The following CFAP20 variants were observed in gnomAD, a reference collection of about 807,000 sequenced individuals.
CFAP20 encodes the protein cilia- and flagella-associated protein 20.
A neutral mutation model predicts 25.5 loss-of-function variants in CFAP20; 14 were observed. The observed-to-expected ratio is 0.55, with a 90% confidence interval of 0.36 to 0.86. The LOEUF (loss-of-function observed/expected upper bound fraction) is 0.86, where lower values mean the gene tolerates loss of function less well. Ranked by LOEUF, CFAP20 falls within the 40% of genes least tolerant of loss-of-function variation. CFAP20 has a pLI of 0.01. For synonymous variants in CFAP20, 75 were observed against 91.1 expected (o/e 0.82, Z 1.01); for missense variants, 181 against 248.0 (o/e 0.73, Z 1.81).
intron 1 of CFAP20, among the ~76,000 whole-genome samples, chr16:58,121,285 C>T (rs776296731): frequency 3.9e-5 from 6 of 152,216 alleles, no homozygotes; most frequent in Admixed American, 6.5e-5. Flanking sequence ...AAAGTATCAA[C>T]GTCCTTTCCT....
At position 58,114,029 on chromosome 16, in the gene CFAP20, T is replaced by C. The variant is rs1477411894; in HGVS notation, c.578A>G (p.Gln193Arg). The change falls in exon 6 of 6, where the codon CAA becomes CGA. Residue 193 changes from glutamine to arginine, a missense_variant and splice_region_variant. Coordinates refer to ENST00000262498, the MANE Select transcript of CFAP20 (RefSeq NM_013242.3). ...LYLPVQNKAK[Q>R] Reference sequence around the variant, plus strand: ...TCCCTCGAGTCACAATTCCAGTTATTGCTGAAGGGAAAAAACAGAGAAGTG... The same window carrying C: ...TCCCTCGAGTCACAATTCCAGTTATCGCTGAAGGGAAAAAACAGAGAAGTG... The C allele has an allele frequency of 6.2e-7, 1 of 1,613,834 alleles. No homozygotes were observed. Among genetic ancestry groups the C allele is most frequent in the South Asian group, 1.1e-5 (1 of 91,080 alleles).
chr16:58,118,953 G>A (rs1406299689), intron 1 of CFAP20, among the ~76,000 whole-genome samples: 1 of 152,186 alleles, frequency 6.6e-6, no homozygotes, highest in Non-Finnish European at 1.5e-5. Context: ...TTTGTGGAAA[G>A]GGCTGTGTTA....
At chr16:58,115,486 C>A in intron 3 of CFAP20, 29 bp from the exon 4 acceptor site, 1 of 1,608,468 alleles carries the variant, frequency 6.2e-7, no homozygotes, top group Non-Finnish European at 8.5e-7. Flanking sequence ...AAGCATCACA[C>A]TAGCTCTGTC....
At chr16:58,115,775 A>G in intron 3 of CFAP20, 1 of 517,056 alleles carries the variant, frequency 1.9e-6, no homozygotes, top group Non-Finnish European at 3.5e-6. Context: ...CCACTATTAA[A>G]TAATCACTCC....
chr16:58,116,677 T>C, intron 2 of CFAP20, 195 bp downstream of exon 2: 1 of 541,546 alleles, frequency 1.8e-6, no homozygotes, highest in Non-Finnish European at 3.3e-6. Context: ...AAGGAAAATG[T>C]ACTATTATTC....
At chr16:58,114,499 C>T (rs1270044485) in intron 5 of CFAP20, among the ~76,000 whole-genome samples, 2 of 149,810 alleles carry the variant, frequency 1.3e-5, no homozygotes, top group African/African-American at 4.9e-5. Flanking sequence ...GCACTCTAGC[C>T]TGGGCAACAG....
intron 1 of CFAP20, among the ~76,000 whole-genome samples, chr16:58,120,484 C>A (rs1282102092): frequency 1.3e-5 from 2 of 152,222 alleles, no homozygotes; most frequent in Non-Finnish European, 2.9e-5. Flanking sequence ...AATCTGCCTT[C>A]TGCCCATCTC....
At chr16:58,119,847 T>TACTGTTCC (rs1960508941) in intron 1 of CFAP20, among the ~76,000 whole-genome samples, 2 of 143,558 alleles carry the variant, frequency 1.4e-5, no homozygotes, top group South Asian at 2.4e-4. Flanking sequence ...ACTCGCCATC[T>TACTGTTCC]CATGTTCCCA....
At chr16:58,117,006 C>T (rs1015008563) in intron 1 of CFAP20, 55 bp from the exon 2 acceptor site, 9 of 1,553,018 alleles carry the variant, frequency 5.8e-6, no homozygotes, top group East Asian at 2.2e-5. Flanking sequence ...CTGAATAGGA[C>T]TATTTAAAGA....
intron 1 of CFAP20, 66 bp downstream of exon 1, chr16:58,128,966 C>T: frequency 6.5e-7 from 1 of 1,537,992 alleles, no homozygotes. Context: ...ATTCCCCGTC[C>T]CCAGCCCCCG....
chr16:58,115,362 C>A lies in CFAP20; in HGVS notation c.372G>T (p.Arg124=), dbSNP rs779278514. ...VKPFICTMPM[R]LDDGWNQIQF... is the part of the protein sequence containing the mutation. ...GAATCTGGTTCCAGCCGTCATCCAG[C>A]CGCATGGGCATGGTGCAGATGAAGG... The change falls in exon 4 of 6, where the codon CGG becomes CGT. Residue 124 remains arginine, a synonymous_variant. Coordinates refer to ENST00000262498, the MANE Select transcript of CFAP20 (RefSeq NM_013242.3). The A allele has an allele frequency of 6.2e-7, 1 of 1,614,248 alleles. No individual in the cohort carries two copies. The highest frequency in any genetic ancestry group is 2.2e-5 in the East Asian group (1 of 44,884).
At chr16:58,115,082 G>T in intron 4 of CFAP20, 162 bp from the exon 5 acceptor site, 1 of 978,176 alleles carries the variant, frequency 1.0e-6, no homozygotes, top group Non-Finnish European at 1.5e-6. Flanking sequence ...CTTACTTGCT[G>T]TATTCACCTC....
chr16:58,122,589 A>G (rs1410379839), intron 1 of CFAP20, among the ~76,000 whole-genome samples: 2 of 152,226 alleles, frequency 1.3e-5, no homozygotes, highest in African/African-American at 2.4e-5. Context: ...TTCAAAAAAA[A>G]AGAAAAACAA....
In CFAP20 at chr16:58,113,926, C is replaced by A. The variant is rs1220630932; in HGVS notation, c.*99G>T. On this transcript the variant is annotated 3_prime_UTR_variant, in exon 6 of 6. Coordinates refer to ENST00000262498, the MANE Select transcript of CFAP20 (RefSeq NM_013242.3). ...TATAAATAACAGAACTACAGCAGAG[C>A]AAACTAAGATAAATATGTTTTTGCA... 1.1e-5 allele frequency: 15 copies of A among 1,379,116 alleles called. No individual in the cohort carries two copies. The highest frequency in any genetic ancestry group is 1.5e-5 in the Non-Finnish European group (15 of 967,992). The allele number at this position is 1,379,116 out of a possible 1,614,324, so 85.4% of individuals were successfully genotyped here.
At position 58,116,084 on chromosome 16, in the gene CFAP20, A is replaced by G; in HGVS notation, c.233T>C (p.Met78Thr). The change falls in exon 3 of 6, where the codon ATG (methionine) becomes ACG (threonine). Residue 78 changes from methionine to threonine, a missense_variant. Met to Thr is a moderately conservative substitution (Grantham distance 81). Transcript: ENST00000262498. Reference protein sequence around the residue: ...TLGIKLPFLVMIIKNLKKYFT... With the variant: ...TLGIKLPFLVTIIKNLKKYFT... ...ATACTTCTTCAGGTTTTTGATAATC[A>G]TGACAAGGAAAGGAAGTTTAATTCC... The G allele has an allele frequency of 6.2e-7, 1 of 1,613,800 alleles. No individual in the cohort carries two copies. The highest frequency in any genetic ancestry group is 8.5e-7 in the Non-Finnish European group (1 of 1,179,678).
chr16:58,116,250 G>A (rs1343074499), intron 2 of CFAP20, 98 bp from the exon 3 acceptor site: 1 of 858,818 alleles, frequency 1.2e-6, no homozygotes, highest in East Asian at 2.5e-5. Context: ...ACACTGGAAA[G>A]CAGATCTAAA....
intron 4 of CFAP20, 40 bp downstream of exon 4, chr16:58,115,229 T>TA: frequency 1.9e-6 from 3 of 1,612,754 alleles, no homozygotes; most frequent in Non-Finnish European, 2.5e-6. Context: ...CAGTGTGCCC[T>TA]ATCCCCAACC....
chr16:58,115,184 G>C, intron 4 of CFAP20, 85 bp downstream of exon 4: 1 of 1,550,666 alleles, frequency 6.4e-7, no homozygotes, highest in Non-Finnish European at 8.9e-7. Context: ...AACCCACACT[G>C]TTCTGCTATG....
intron 1 of CFAP20, among the ~76,000 whole-genome samples, chr16:58,117,460 G>A (rs1404619745): frequency 6.6e-6 from 1 of 151,920 alleles, no homozygotes; most frequent in East Asian, 1.9e-4. Flanking sequence ...ACGGAGTCTC[G>A]CCCTGTCGCC....
Sources: gnomAD v4.1 joint callset for allele counts (sites outside exome capture counted in the v4.1 genomes callset) on GRCh38, gnomAD v4.1.1 for gene constraint, MANE v1.5 for transcripts, NCBI Gene and HGNC (gene_info 2026-07-23, HGNC 2026-07-21) for gene names.